The following SEMA4F variants were observed in gnomAD, a reference collection of about 807,000 sequenced individuals.
SEMA4F encodes ssemaphorin 4F.
Under a neutral mutation model 78.4 loss-of-function variants are expected in SEMA4F, and 51 were observed. That is an observed-to-expected ratio of 0.65 (90% CI 0.52 to 0.82). SEMA4F has a LOEUF of 0.82. Among genes scored for constraint, SEMA4F ranks in the 40% least tolerant of loss-of-function variants. The pLI, the probability that SEMA4F is intolerant of heterozygous loss-of-function variation, is 0.00. For synonymous variants in SEMA4F, 418 were observed against 408.7 expected (o/e 1.02, Z -0.27); for missense variants, 938 against 1,014.4 (o/e 0.92, Z 1.02).
Position 74,657,834 on chromosome 2 carries a change from A to C in SEMA4F, c.358-19A>C, listed in dbSNP as rs772015609. On this transcript the variant is annotated intron_variant, in intron 3 of 13. Coordinates refer to ENST00000357877, the MANE Select transcript of SEMA4F (RefSeq NM_004263.5). Reference sequence around the variant, plus strand: ...GTACCTGCTGCTTCTGATTCTTTCTAACCGTCTCTGACCCCCAGGACGAAT... The same window carrying C: ...GTACCTGCTGCTTCTGATTCTTTCTCACCGTCTCTGACCCCCAGGACGAAT... 1.2e-6 allele frequency: 2 copies of C among 1,608,390 alleles called. No individual in the cohort carries two copies. The highest frequency in any genetic ancestry group is 1.7e-5 in the Admixed American group (1 of 60,028).
Position 74,674,997 on chromosome 2 carries a change from G to T in SEMA4F, c.1111G>T (p.Val371Phe). ...LKHDCNRGLP[V>F]VDNDVPQPRP... is the part of the protein sequence containing the mutation. The stretch of plus-strand genomic sequence containing the variant: ...ACATGACTGCAACAGAGGACTGCCT[G>T]TCGTGGACAATGATGTGCCCCAGCC... The change falls in exon 9 of 14, where the codon GTC (valine) becomes TTC (phenylalanine). Residue 371 changes from valine (V) to phenylalanine (F), a missense_variant. Val to Phe is a conservative substitution (Grantham distance 50). Transcript: ENST00000357877. 3 of 1,614,050 alleles carry T rather than the reference G, an allele frequency of 1.9e-6. No individual in the cohort carries two copies. Among genetic ancestry groups the T allele is most frequent in the Non-Finnish European group, 2.5e-6 (3 of 1,180,010 alleles).
Position 74,680,022 on chromosome 2 carries a change from C to T in SEMA4F, c.2126C>T (p.Thr709Ile). ...GACCTGGGGGCTCCACCTTCTGGGA[C>T]CACAAGCTACAGCCAAGACCCTCCC... is the stretch of plus-strand genomic sequence containing the variant. Reference protein sequence around the residue: ...GLDLGAPPSGTTSYSQDPPSP... With the variant: ...GLDLGAPPSGITSYSQDPPSP... Residue 709 changes from threonine (T) to isoleucine (I), a missense_variant, in exon 14 of 14, where the codon ACC (threonine) becomes ATC (isoleucine). Coordinates refer to ENST00000357877, the MANE Select transcript of SEMA4F (RefSeq NM_004263.5). 2 of 1,614,192 alleles carry T rather than the reference C, an allele frequency of 1.2e-6. No homozygotes were observed. Among genetic ancestry groups the T allele is most frequent in the South Asian group, 1.1e-5 (1 of 91,084 alleles).
chr2:74,678,240 C>T (rs1462694099), intron 12 of SEMA4F, among the ~76,000 whole-genome samples: 1 of 152,136 alleles, frequency 6.6e-6, no homozygotes, highest in Admixed American at 6.5e-5. Flanking sequence ...TTAAGGTATA[C>T]ATGAGTGGAG....
rs1684247076 is a variant in SEMA4F, at chr2:74,658,049, C to T, written c.456+98C>T. 8 of 1,077,506 alleles carry T rather than the reference C, an allele frequency of 7.4e-6. No homozygotes were observed. In the Admixed American group the frequency reaches 1.2e-4, roughly 17 times the overall value. 66.7% of individuals were successfully genotyped at this position (1,077,506 alleles called of 1,614,324 possible). ...GATGGGAAGGGTTTTCTGTGAGCGA[C>T]CATGATGGGGGCATGGTCAAGGCAA... On this transcript the variant is annotated intron_variant, in intron 4 of 13. Transcript: ENST00000357877. This position sits in a 1 kb window ranked among gnomAD's most constrained non-coding sequence, Gnocchi z 4.3.
In SEMA4F at chr2:74,680,949, C is replaced by T. The variant is rs577420961; in HGVS notation, c.*740C>T. The T allele has an allele frequency of 1.3e-5, 2 of 152,760 alleles. No homozygotes were observed. Among genetic ancestry groups the T allele is most frequent in the South Asian group, 4.2e-4 (2 of 4,814 alleles). The allele number at this position is 152,760 out of a possible 1,614,324, so 9.5% of individuals were successfully genotyped here. On this transcript the variant is annotated 3_prime_UTR_variant, in exon 14 of 14. Transcript: ENST00000357877. ...GCCCCTCTCCCCATTGCCCCACAACCTTACTCTAAATTTGAGTAGAGAAAA... is the reference window on the plus strand; with the variant it reads ...GCCCCTCTCCCCATTGCCCCACAACTTTACTCTAAATTTGAGTAGAGAAAA...
rs1685231769 is a variant in SEMA4F at position 74,675,567 on chromosome 2, T to C, written c.1415T>C (p.Leu472Pro). 12 of 1,614,196 alleles carry C rather than the reference T, an allele frequency of 7.4e-6. No individual in the cohort carries two copies. The highest frequency in any genetic ancestry group is 1.0e-5 in the Non-Finnish European group (12 of 1,180,028). ...CGAGCAGTGCGGATCGGAGCTCAGC[T>C]CAGCGTTCTTGAAGATCTGGCCTTA... ...LHRAVRIGAQ[L>P]SVLEDLALFP... Residue 472 changes from leucine to proline, a missense_variant, in exon 11 of 14, where the codon CTC becomes CCC. Leu to Pro is a moderately conservative substitution (Grantham distance 98). Coordinates refer to ENST00000357877, the MANE Select transcript of SEMA4F (RefSeq NM_004263.5).
chr2:74,708,853 G>A, the SEMA4F span, among the ~76,000 whole-genome samples: 2 of 152,168 alleles, frequency 1.3e-5, no homozygotes, highest in Non-Finnish European at 2.9e-5. Context: ...GTCTCAGCAG[G>A]AAAACACAAG....
At chr2:74,704,688 A>G in the SEMA4F span, among the ~76,000 whole-genome samples, 3 of 152,200 alleles carry the variant, frequency 2.0e-5, no homozygotes, top group South Asian at 2.1e-4. Context: ...CTTGCCTACC[A>G]ATGCGGGCTG....
chr2:74,656,729 G>T, intron 2 of SEMA4F, 44 bp downstream of exon 2: 1 of 1,597,038 alleles, frequency 6.3e-7, no homozygotes, highest in Non-Finnish European at 8.6e-7. Flanking sequence ...TGTAGCATGT[G>T]ATTAAATCTA....
the SEMA4F span, among the ~76,000 whole-genome samples, chr2:74,701,612 C>T: frequency 1.2e-4 from 18 of 152,310 alleles, no homozygotes; most frequent in South Asian, 2.9e-3. Context: ...CAGCACCTCT[C>T]GTTGTTTGTA....
chr2:74,654,499 C>A lies in SEMA4F; in HGVS notation c.123C>A (p.Pro41=). ...CCGGCCGCGTCCCCCGCTCGGTGCC[C>A]AGAACCTCGCTTCCAATCTCTGGTA... ...PVSGRVPRSV[P]RTSLPISEAD... Residue 41 remains proline, a synonymous_variant, in exon 1 of 14, where the codon CCC becomes CCA. Transcript: ENST00000357877. The A allele has an allele frequency of 6.4e-7, 1 of 1,573,942 alleles. No homozygotes were observed. The highest frequency in any genetic ancestry group is 1.2e-5 in the South Asian group (1 of 86,502).
Position 74,665,091 on chromosome 2 carries a change from T to C in SEMA4F, c.550+2266T>C, listed in dbSNP as rs191830850. 2.2e-3 allele frequency among the ~76,000 whole-genome samples: 342 copies of C among 152,282 alleles called. 1 individual carries two copies. Among genetic ancestry groups the C allele is most frequent in the African/African-American group, 8.0e-3 (332 of 41,572 alleles). ...GCCAACTTTATCATAAAATTAATTT[T>C]TACCTATATTTTTGGGAAATATTTT... On this transcript the variant is annotated intron_variant, in intron 5 of 13. Coordinates refer to ENST00000357877, the MANE Select transcript of SEMA4F (RefSeq NM_004263.5).
At chr2:74,657,412 T>A (rs1159729031) in intron 2 of SEMA4F, among the ~76,000 whole-genome samples, 153 bp from the exon 3 acceptor site, 1 of 152,236 alleles carries the variant, frequency 6.6e-6, no homozygotes, top group East Asian at 1.9e-4. Flanking sequence ...TACTCATTAA[T>A]GGGTGGGGAC....
chr2:74,700,640 C>A, the SEMA4F span, among the ~76,000 whole-genome samples: 7 of 152,170 alleles, frequency 4.6e-5, no homozygotes, highest in African/African-American at 1.4e-4. Flanking sequence ...AAAGTAGGCA[C>A]TAGTGTTATC....
rs1195007420 is a variant in SEMA4F at position 74,654,525 on chromosome 2, A to C, written c.145+4A>C. ...AGAACCTCGCTTCCAATCTCTGGTA[A>C]GGCGCGGACGCCCACGCCCTCAGCC... is the stretch of plus-strand genomic sequence containing the variant. On this transcript the variant is annotated splice_donor_region_variant and intron_variant, in intron 1 of 13. Transcript: ENST00000357877. 6.4e-7 allele frequency: 1 copy of C among 1,552,518 alleles called. No individual in the cohort carries two copies. Among genetic ancestry groups the C allele is most frequent in the Non-Finnish European group, 8.7e-7 (1 of 1,151,462 alleles).
chr2:74,694,312 A>G, the SEMA4F span, among the ~76,000 whole-genome samples: 1 of 152,044 alleles, frequency 6.6e-6, no homozygotes, highest in Non-Finnish European at 1.5e-5. Context: ...AATCATTGTT[A>G]GACATTGAGC....
chr2:74,679,237 T>A (rs766313490), intron 12 of SEMA4F, 39 bp from the exon 13 acceptor site: 2 of 1,481,560 alleles, frequency 1.3e-6, no homozygotes, highest in Non-Finnish European at 1.9e-6. Flanking sequence ...TTGAAGGGAA[T>A]GTTCACACTG....
intron 2 of SEMA4F, among the ~76,000 whole-genome samples, chr2:74,657,289 T>C (rs555437293): frequency 6.6e-6 from 1 of 152,244 alleles, no homozygotes; most frequent in Admixed American, 6.5e-5. Context: ...TACACAATTA[T>C]GTACTGAAAG....
the SEMA4F span, among the ~76,000 whole-genome samples, chr2:74,706,913 T>G: frequency 6.6e-6 from 1 of 152,096 alleles, no homozygotes; most frequent in African/African-American, 2.4e-5. Context: ...AGGGATTAGG[T>G]AGTAGGCTTC....
Sources: allele counts gnomAD v4.1 joint callset (sites outside exome capture counted in the v4.1 genomes callset), GRCh38; gene constraint gnomAD v4.1.1; non-coding constraint Gnocchi (gnomAD v3.1); transcripts MANE v1.5; gene names NCBI Gene and HGNC (gene_info 2026-07-23, HGNC 2026-07-21).